The following KBTBD12 variants were observed in gnomAD, a reference collection of about 807,000 sequenced individuals.
The protein encoded by KBTBD12 is kelch repeat and BTB domain containing 12, also known as kelch repeat and BTB domain-containing protein 12.
A neutral mutation model predicts 58.7 loss-of-function variants in KBTBD12; 53 were observed. That is an observed-to-expected ratio of 0.90 (90% CI 0.72 to 1.14). The LOEUF is 1.14. KBTBD12 is among the 50% of genes most tolerant of loss of function. The probability of loss-of-function intolerance (pLI) is 0.00; values close to 1 mark genes in which losing one functional copy is unlikely to be tolerated. For synonymous variants in KBTBD12, 236 were observed against 259.8 expected, an observed-to-expected ratio of 0.91 and a Z score of 0.88; for missense variants, 704 against 751.3, an observed-to-expected ratio of 0.94 and a Z score of 0.74.
chr3:127,967,242 G>A (rs1253670000), intron 5 of KBTBD12, among the ~76,000 whole-genome samples: 1 of 152,134 alleles, frequency 6.6e-6, no homozygotes, highest in Admixed American at 6.5e-5. Context: ...GAATGGAGCC[G>A]GTCAAAGGGC....
intron 3 of KBTBD12, 118 bp from the exon 4 acceptor site, chr3:127,930,015 G>A (rs566754618): frequency 4.7e-5 from 39 of 822,420 alleles, no homozygotes; most frequent in African/African-American, 4.1e-4. Context: ...GTGAGTATGA[G>A]TCACTGCAGT....
intron 4 of KBTBD12, among the ~76,000 whole-genome samples, chr3:127,960,777 T>C (rs1214325308): frequency 6.6e-6 from 1 of 152,220 alleles, no homozygotes; most frequent in Non-Finnish European, 1.5e-5. Context: ...TGTCACTCCT[T>C]GAGTGGAGCG....
intron 1 of KBTBD12, among the ~76,000 whole-genome samples, chr3:127,917,610 C>T (rs534972486): frequency 5.9e-5 from 9 of 152,318 alleles, no homozygotes; most frequent in Admixed American, 4.6e-4. Flanking sequence ...AGCTCCTATC[C>T]TGAAGCTCTA....
At chr3:127,953,637 G>A (rs1237825489) in intron 4 of KBTBD12, among the ~76,000 whole-genome samples, 1 of 152,218 alleles carries the variant, frequency 6.6e-6, no homozygotes, top group Non-Finnish European at 1.5e-5. Context: ...TTTAAAAAGT[G>A]TGTTGTCACA....
rs1054309440 is a variant in KBTBD12, at chr3:127,915,470, G to T, written c.-229G>T. 2 of 152,504 alleles carry T rather than the reference G, an allele frequency of 1.3e-5. No individual in the cohort carries two copies. The highest frequency in any genetic ancestry group is 4.8e-5 in the African/African-American group (2 of 41,484). 9.4% of individuals were successfully genotyped at this position (152,504 alleles called of 1,614,324 possible). A position where few individuals can be genotyped will look rare whatever the true frequency, so the allele number is the denominator to read the frequency against. ...CTATTTATATCGCCCAGCCAGCACA[G>T]GCCCATATTGGGCAGTGGCCTCAGT... On this transcript the variant is annotated 5_prime_UTR_variant, in exon 1 of 6. In the 5' UTR this introduces an upstream ATG that the reference lacks. Transcript: ENST00000405109.
chr3:127,968,894 C>T (rs750599886), intron 5 of KBTBD12, among the ~76,000 whole-genome samples: 1 of 152,108 alleles, frequency 6.6e-6, no homozygotes, highest in South Asian at 2.1e-4. Context: ...TGCACCCTTT[C>T]GTGCTATAGA....
intron 2 of KBTBD12, among the ~76,000 whole-genome samples, chr3:127,924,409 A>G (rs1162925804): frequency 6.7e-6 from 1 of 149,406 alleles, no homozygotes; most frequent in East Asian, 1.9e-4. Context: ...TAGCATATAT[A>G]TAACTTTCAT....
Position 127,984,184 on chromosome 3 carries a change from A to T in KBTBD12, c.1778A>T (p.His593Leu). 6.2e-7 allele frequency: 1 copy of T among 1,613,780 alleles called. No individual in the cohort carries two copies. The highest frequency in any genetic ancestry group is 8.5e-7 in the Non-Finnish European group (1 of 1,179,678). The change falls in exon 6 of 6, where the codon CAT becomes CTT. Residue 593 changes from histidine to leucine, a missense_variant. Transcript: ENST00000405109. Reference protein sequence around the residue: ...WNVVAINVLMHDSYDVCLVAR... With the variant: ...WNVVAINVLMLDSYDVCLVAR... ...GTTGTAGCCATCAACGTCCTCATGC[A>T]TGACAGCTATGATGTCTGCCTAGTA...
chr3:127,926,086 T>G (rs1428344673), intron 2 of KBTBD12, among the ~76,000 whole-genome samples: 1 of 152,190 alleles, frequency 6.6e-6, no homozygotes, highest in African/African-American at 2.4e-5. Context: ...GTCTTTAAAC[T>G]ATCAATCTCT....
intron 2 of KBTBD12, among the ~76,000 whole-genome samples, chr3:127,926,788 A>T (rs902128698): frequency 1.3e-5 from 2 of 151,978 alleles, no homozygotes; most frequent in South Asian, 2.1e-4. Context: ...TTTTTTCTTA[A>T]TTTCCATGTT....
intron 4 of KBTBD12, among the ~76,000 whole-genome samples, chr3:127,946,761 A>G (rs1356810698): frequency 6.6e-6 from 1 of 152,126 alleles, no homozygotes; most frequent in Non-Finnish European, 1.5e-5. Flanking sequence ...CATTTTCTGT[A>G]CACTAGACCT....
chr3:127,933,926 G>A (rs180827109), intron 4 of KBTBD12, among the ~76,000 whole-genome samples: 12 of 152,146 alleles, frequency 7.9e-5, no homozygotes, highest in Admixed American at 2.6e-4. Context: ...GTCAAAAAAC[G>A]GAAAAGAAAG....
At chr3:127,982,013 A>C (rs1940882279) in intron 5 of KBTBD12, among the ~76,000 whole-genome samples, 1 of 152,128 alleles carries the variant, frequency 6.6e-6, no homozygotes, top group Non-Finnish European at 1.5e-5. Context: ...TAGGCGTCCA[A>C]GCTGGAAATC....
chr3:127,927,457 AT>A (rs1248749351), intron 2 of KBTBD12, among the ~76,000 whole-genome samples: 1 of 152,116 alleles, frequency 6.6e-6, no homozygotes, highest in Non-Finnish European at 1.5e-5. Context: ...CTTTCTATCC[AT>A]TCTTGATTTT....
At position 127,986,334 on chromosome 3, in the gene KBTBD12, A is replaced by C. The variant is rs1456006261; in HGVS notation, c.*2056A>C. 6.6e-6 allele frequency: 1 copy of C among 152,600 alleles called. No homozygotes were observed. The highest frequency in any genetic ancestry group is 1.5e-5 in the Non-Finnish European group (1 of 68,050). The allele number at this position is 152,600 out of a possible 1,614,324, so 9.5% of individuals were successfully genotyped here. ...TAAGTGCTGAGCAAAGTGCCTGTGA[A>C]ATCCTGAAATAATAAGCATGTTTTA... is the stretch of plus-strand genomic sequence containing the variant. On this transcript the variant is annotated 3_prime_UTR_variant, in exon 6 of 6. Transcript: ENST00000405109.
intron 5 of KBTBD12, among the ~76,000 whole-genome samples, chr3:127,974,968 G>A (rs946849284): frequency 3.3e-5 from 5 of 152,164 alleles, no homozygotes; most frequent in African/African-American, 1.2e-4. Flanking sequence ...GCGAGACTCC[G>A]TCTCAAAATA....
chr3:127,964,294 C>A (rs1229167076), intron 5 of KBTBD12, among the ~76,000 whole-genome samples: 2 of 151,974 alleles, frequency 1.3e-5, no homozygotes, highest in Admixed American at 1.3e-4. Flanking sequence ...CAAAGCAGAG[C>A]CTTTCGCAAG....
rs967147626 is a variant in KBTBD12 at position 127,924,007 on chromosome 3, T to C, written c.946T>C (p.Tyr316His). Residue 316 changes from tyrosine (Y) to histidine (H), a missense_variant, in exon 2 of 6, where the codon TAC (tyrosine) becomes CAC (histidine). Physicochemically the swap from Tyr to His is moderately conservative, Grantham distance 83. Transcript: ENST00000405109. ...AACCTATTTCATCTCATCTCCCAAG[T>C]ACGGAGAGGGTTTAGGAACTGTGTG... Reference protein sequence around the residue: ...RKTYFISSPKYGEGLGTVCTG... With the variant: ...RKTYFISSPKHGEGLGTVCTG... 1 of 1,613,784 alleles carries C rather than the reference T, an allele frequency of 6.2e-7. No individual in the cohort carries two copies. The highest frequency in any genetic ancestry group is 1.1e-5 in the South Asian group (1 of 91,078).
In KBTBD12 at chr3:127,919,907, A is replaced by G. The variant is rs140346713; in HGVS notation, c.-112-3043A>G. ...TTTTTTAAAATTTTAAACTTATACA[A>G]TATTTAAGATATACAAAGAGGCATT... On this transcript the variant is annotated intron_variant, in intron 1 of 5. Transcript: ENST00000405109. Among the ~76,000 whole-genome samples the G allele has an allele frequency of 5.1e-3, 778 of 152,320 alleles. 2 individuals carry two copies. The highest frequency in any genetic ancestry group is 8.9e-3 in the Non-Finnish European group (607 of 68,030).
Sources: gnomAD v4.1 joint callset for allele counts (sites outside exome capture counted in the v4.1 genomes callset) on GRCh38, gnomAD v4.1.1 for gene constraint, MANE v1.5 for transcripts, NCBI Gene and HGNC (gene_info 2026-07-23, HGNC 2026-07-21) for gene names.